Variants in KIF13B observed in about 807,000 individuals in gnomAD.
KIF13B encodes kinesin family member 13B.
A neutral mutation model predicts 222.0 loss-of-function variants in KIF13B; 127 were observed. The observed-to-expected ratio is 0.57, with a 90% CI of 0.50 to 0.66. The LOEUF is 0.66. KIF13B is among the 30% of genes least tolerant of loss of function. The pLI is 0.00. For synonymous variants in KIF13B, 976 were observed against 919.0 expected, an observed-to-expected ratio of 1.06 and a Z score of -1.12; for missense variants, 2,173 against 2,379.0, an observed-to-expected ratio of 0.91 and a Z score of 1.80.
At chr8:29,088,585 T>G (rs982147653) in intron 37 of KIF13B, among the ~76,000 whole-genome samples, 1 of 152,114 alleles carries the variant, frequency 6.6e-6, no homozygotes, top group Non-Finnish European at 1.5e-5. Context: ...GTGAAAATTG[T>G]GAAAATCACA....
chr8:29,125,360 C>T lies in KIF13B; in HGVS notation c.3252+1122G>A, dbSNP rs186971220. 2.7e-3 allele frequency among the ~76,000 whole-genome samples: 417 copies of T among 152,216 alleles called. 10 individuals are homozygous for T. Among genetic ancestry groups the T allele is most frequent in the Non-Finnish European group, 1.3e-3 (90 of 68,018 alleles). On this transcript the variant is annotated intron_variant, in intron 26 of 39. Transcript: ENST00000524189. ...GTGGAATGCTGCAGATATAGTGTGT[C>T]TGGGCTTTACTAGGGCACTTAACCA... is the stretch of plus-strand genomic sequence containing the variant.
At position 29,070,581 on chromosome 8, in the gene KIF13B, C is replaced by T; in HGVS notation, c.5404G>A (p.Ala1802Thr). Residue 1802 changes from alanine to threonine, a missense_variant, in exon 40 of 40, where the codon GCC (alanine) becomes ACC (threonine). This residue lies in a region of KIF13B where 693 missense variants were observed against 656.2 expected (regional missense o/e 1.06). Coordinates refer to ENST00000524189, the MANE Select transcript of KIF13B (RefSeq NM_015254.4). The surrounding 1 kb of genome is among the most constrained non-coding windows in gnomAD (Gnocchi z 4.1). ...TTGGCCAGGGCAGCTGTCAGCGAGG[C>T]CAGGTTGGTGGCGGAGCCCGAGAGG... ...ATLSGSATNL[A>T]SLTAALAKAD... is the part of the protein sequence containing the mutation. 1 of 1,603,318 alleles carries T rather than the reference C, an allele frequency of 6.2e-7. No homozygotes were observed. The highest frequency in any genetic ancestry group is 8.5e-7 in the Non-Finnish European group (1 of 1,175,308).
intron 36 of KIF13B, among the ~76,000 whole-genome samples, chr8:29,094,119 CATT>C (rs948842043): frequency 3.3e-5 from 5 of 152,270 alleles, no homozygotes; most frequent in Non-Finnish European, 5.9e-5. Context: ...GACCATCAGA[CATT>C]ATGTGTCTCC....
chr8:29,239,803 C>T (rs1815681017), intron 2 of KIF13B, among the ~76,000 whole-genome samples: 1 of 152,112 alleles, frequency 6.6e-6, no homozygotes, highest in Admixed American at 6.5e-5. Context: ...GCTGGCATTA[C>T]AGGTGCCCGC....
intron 30 of KIF13B, among the ~76,000 whole-genome samples, chr8:29,117,979 G>A (rs1809680347): frequency 1.3e-5 from 2 of 152,010 alleles, no homozygotes; most frequent in South Asian, 4.1e-4. Flanking sequence ...CCAACATGGT[G>A]AAACCCCATC....
chr8:29,176,235 A>AT (rs1812471970), intron 9 of KIF13B, 56 bp from the exon 10 acceptor site: 16 of 1,049,730 alleles, frequency 1.5e-5, no homozygotes, highest in Non-Finnish European at 2.3e-5. Context: ...CAAATGTCAC[A>AT]TTTTAGCACA....
intron 37 of KIF13B, among the ~76,000 whole-genome samples, chr8:29,086,439 T>A (rs1000073496): frequency 6.6e-6 from 1 of 152,334 alleles, no homozygotes; most frequent in East Asian, 1.9e-4. Context: ...GAGGATCACC[T>A]GAGCCAAGGA....
At chr8:29,196,657 G>C (rs1813435575) in intron 2 of KIF13B, among the ~76,000 whole-genome samples, 6 of 152,052 alleles carry the variant, frequency 3.9e-5, no homozygotes. Flanking sequence ...TTCTGGCTAA[G>C]GAAAAAAGGC....
intron 35 of KIF13B, among the ~76,000 whole-genome samples, chr8:29,102,181 C>T (rs915637839): frequency 3.3e-5 from 5 of 152,100 alleles, no homozygotes; most frequent in Admixed American, 6.5e-5. Flanking sequence ...AAAAGGACTT[C>T]GCAGGAAACC....
intron 15 of KIF13B, 70 bp from the exon 16 acceptor site, chr8:29,148,837 T>A: frequency 1.5e-6 from 2 of 1,302,516 alleles, no homozygotes; most frequent in East Asian, 4.7e-5. Flanking sequence ...CATTAAGTAC[T>A]GGTATCTGTT....
intron 37 of KIF13B, among the ~76,000 whole-genome samples, chr8:29,085,390 TTAACA>T (rs1475055059): frequency 4.6e-5 from 7 of 152,204 alleles, no homozygotes; most frequent in Non-Finnish European, 8.8e-5. Flanking sequence ...TCTTTTCCAC[TTAACA>T]TAACAAAATA....
rs777224705 is a variant in KIF13B at position 29,146,380 on chromosome 8, T to A, written c.2185A>T (p.Lys729Ter). The change falls in exon 18 of 40, where the codon AAG (lysine) becomes TAG (stop). Residue 729 changes from lysine (K) to a stop codon, truncating the protein, a stop_gained and splice_region_variant. Transcript: ENST00000524189. LOFTEE classifies it high-confidence loss of function. ...TTTTCAAGGAACGGCAACCTCACCT[T>A]CCTGTTGGCATCCAGGCTGGAGGCT... Reference protein sequence around the residue: ...IPASSLDANRKRGSLLSEPAI... With the variant: ...IPASSLDANR The A allele has an allele frequency of 9.3e-6, 15 of 1,613,918 alleles. No individual in the cohort carries two copies. Among genetic ancestry groups the A allele is most frequent in the Non-Finnish European group, 1.2e-5 (14 of 1,179,846 alleles).
chr8:29,094,899 T>C (rs143213030), intron 36 of KIF13B, among the ~76,000 whole-genome samples: 1 of 149,612 alleles, frequency 6.7e-6, no homozygotes, highest in African/African-American at 2.5e-5. Context: ...ATGAAAAAAT[T>C]CCCTGGATGT....
At chr8:29,162,735 T>C (rs1811835880) in intron 12 of KIF13B, among the ~76,000 whole-genome samples, 2 of 152,160 alleles carry the variant, frequency 1.3e-5, no homozygotes, top group Non-Finnish European at 2.9e-5. Context: ...AAACTAAAGT[T>C]TTAAATCATC....
intron 37 of KIF13B, among the ~76,000 whole-genome samples, chr8:29,087,925 C>A (rs923152933): frequency 1.3e-5 from 2 of 151,112 alleles, no homozygotes; most frequent in Non-Finnish European, 2.9e-5. Flanking sequence ...AAAAAAAAAA[C>A]TTCTACATAA....
At chr8:29,090,767 T>C (rs1808262212) in intron 37 of KIF13B, among the ~76,000 whole-genome samples, 1 of 152,234 alleles carries the variant, frequency 6.6e-6, no homozygotes, top group Admixed American at 6.5e-5. Flanking sequence ...TGGAATGCAG[T>C]GGCATGATCT....
In KIF13B at chr8:29,070,906, G is replaced by T; in HGVS notation, c.5219-140C>A. ...CTACACAGCCAGCACTCGGACACTGGCCATTGTCTGGCAGGGACTGGCTAA... is the reference window on the plus strand; with the variant it reads ...CTACACAGCCAGCACTCGGACACTGTCCATTGTCTGGCAGGGACTGGCTAA... On this transcript the variant is annotated intron_variant, in intron 39 of 39. Transcript: ENST00000524189. The surrounding 1 kb of genome is among the most constrained non-coding windows in gnomAD (Gnocchi z 4.1). The T allele has an allele frequency of 1.1e-6, 1 of 944,388 alleles. No individual in the cohort carries two copies. 58.5% of individuals were successfully genotyped at this position (944,388 alleles called of 1,614,324 possible).
chr8:29,122,178 G>A (rs545718891), intron 29 of KIF13B, among the ~76,000 whole-genome samples: 17 of 151,940 alleles, frequency 1.1e-4, no homozygotes, highest in East Asian at 3.9e-4. Context: ...CGCTTGAACC[G>A]GGGAGGTGGA....
At chr8:29,139,947 C>CA (rs1810735740) in intron 21 of KIF13B, 116 bp downstream of exon 21, 7 of 944,182 alleles carry the variant, frequency 7.4e-6, no homozygotes, top group Non-Finnish European at 7.8e-6. Context: ...CTGCAGTTCT[C>CA]AAAATCAGCT....
Sources: allele counts gnomAD v4.1 joint callset (sites outside exome capture counted in the v4.1 genomes callset), GRCh38; gene constraint gnomAD v4.1.1; regional missense constraint gnomAD v4.1.1; non-coding constraint Gnocchi (gnomAD v3.1); transcripts MANE v1.5; gene names NCBI Gene and HGNC (gene_info 2026-07-23, HGNC 2026-07-21).